The following IL19 variants were observed in gnomAD, a reference collection of about 807,000 sequenced individuals.
The protein encoded by IL19 is interleukin-19.
IL19 carries 15 observed loss-of-function variants against 19.5 expected under a neutral mutation model. The observed-to-expected ratio is 0.77, with a 90% CI of 0.52 to 1.19. The LOEUF is 1.19. Among genes scored for constraint, IL19 ranks in the 50% most tolerant of loss-of-function variants. IL19 has a pLI of 0.00. For missense variants in IL19, 199 were observed against 213.1 expected (o/e 0.93, Z 0.41); for synonymous variants, 78 against 78.3 (o/e 1.00, Z 0.02).
At chr1:206,812,410 A>C (rs74151404) in intron 2 of IL19, among the ~76,000 whole-genome samples, 11,771 of 152,248 alleles carry the variant, frequency 0.077, 841 homozygotes, top group African/African-American at 0.19. Context: ...CCATTTGGCC[A>C]TTTGGGGATC....
At chr1:206,828,217 A>G (rs1329185482) in intron 2 of IL19, among the ~76,000 whole-genome samples, 1 of 152,290 alleles carries the variant, frequency 6.6e-6, no homozygotes, top group Non-Finnish European at 1.5e-5. Context: ...CAGAATGTCC[A>G]GATGTCCCAA....
At chr1:206,832,668 T>A (rs1676648850) in intron 2 of IL19, among the ~76,000 whole-genome samples, 1 of 152,200 alleles carries the variant, frequency 6.6e-6, no homozygotes, top group Non-Finnish European at 1.5e-5. Context: ...CAATTCTATG[T>A]TCATACAGAA....
chr1:206,809,273 G>A (rs774497910), intron 2 of IL19, among the ~76,000 whole-genome samples: 4 of 152,200 alleles, frequency 2.6e-5, no homozygotes, highest in Admixed American at 2.0e-4. Context: ...GAAAGGAAGG[G>A]ATAATAATGC....
chr1:206,784,158 A>T (rs1268328526), intron 1 of IL19, among the ~76,000 whole-genome samples: 1 of 152,132 alleles, frequency 6.6e-6, no homozygotes, highest in East Asian at 1.9e-4. Flanking sequence ...CCAGCCCTGG[A>T]CCTTCTACTA....
chr1:206,836,016 C>A (rs950984167), intron 2 of IL19, among the ~76,000 whole-genome samples: 1 of 152,232 alleles, frequency 6.6e-6, no homozygotes, highest in African/African-American at 2.4e-5. Flanking sequence ...AGGTGACCGA[C>A]GGGAAGTTGC....
intron 2 of IL19, among the ~76,000 whole-genome samples, chr1:206,799,335 G>A (rs548345981): frequency 6.6e-6 from 1 of 152,212 alleles, no homozygotes; most frequent in South Asian, 2.1e-4. Flanking sequence ...CTTCACCAAG[G>A]TTGCTAGCTG....
intron 2 of IL19, chr1:206,834,382 C>A: frequency 1.0e-6 from 1 of 985,628 alleles, no homozygotes; most frequent in East Asian, 1.1e-4. Context: ...AGGAGCAGCC[C>A]GCAAGCACCA....
chr1:206,788,107 C>T (rs541900207), intron 1 of IL19, among the ~76,000 whole-genome samples: 8 of 152,310 alleles, frequency 5.3e-5, no homozygotes, highest in Non-Finnish European at 1.0e-4. Flanking sequence ...TCTTCACGAT[C>T]CCGGAGGTGG....
At chr1:206,824,275 A>G (rs1676373707) in intron 2 of IL19, among the ~76,000 whole-genome samples, 1 of 152,212 alleles carries the variant, frequency 6.6e-6, no homozygotes, top group Non-Finnish European at 1.5e-5. Flanking sequence ...TAGCCTTCCC[A>G]TCTAAAGAAA....
intron 4 of IL19, among the ~76,000 whole-genome samples, chr1:206,838,264 C>T (rs1351343761): frequency 6.6e-6 from 1 of 152,158 alleles, no homozygotes; most frequent in Non-Finnish European, 1.5e-5. Context: ...ATGAGAGATG[C>T]CTTTAAAAGA....
At chr1:206,805,902 C>T (rs1189191938) in intron 2 of IL19, among the ~76,000 whole-genome samples, 1 of 152,236 alleles carries the variant, frequency 6.6e-6, no homozygotes, top group Non-Finnish European at 1.5e-5. Flanking sequence ...ATTTTGCTGG[C>T]TCACTTAATG....
chr1:206,775,780 T>C (rs1300362515), intron 1 of IL19, among the ~76,000 whole-genome samples: 3 of 152,018 alleles, frequency 2.0e-5, no homozygotes, highest in African/African-American at 7.3e-5. Flanking sequence ...GTGAGGAGAT[T>C]TGGGTTTGGA....
intron 1 of IL19, among the ~76,000 whole-genome samples, chr1:206,783,414 G>A (rs992440372): frequency 2.6e-5 from 4 of 152,136 alleles, no homozygotes; most frequent in Admixed American, 1.3e-4. Context: ...ATTCTTTCAA[G>A]TAATTAAGGA....
chr1:206,790,431 G>A (rs182825335), intron 1 of IL19, among the ~76,000 whole-genome samples: 172 of 152,174 alleles, frequency 1.1e-3, no homozygotes, highest in African/African-American at 4.0e-3. Context: ...GCAGGGGAAG[G>A]AAAATACCCA....
rs548703992 is a variant in IL19 at position 206,827,517 on chromosome 1, C to T, written c.-2-9144C>T. On this transcript the variant is annotated intron_variant, in intron 2 of 6. Coordinates refer to ENST00000659997, the MANE Select transcript of IL19 (RefSeq NM_153758.5). ...CATCCTGGCTAACACAGTGAAACCC[C>T]GTCTCTACTAAAAATACAAAAAATT... Among the ~76,000 whole-genome samples, 10 of 152,066 alleles carry T rather than the reference C, an allele frequency of 6.6e-5. No individual in the cohort carries two copies. The East Asian group carries it at 9.7e-4, about 15-fold the overall frequency.
At chr1:206,809,796 T>C (rs1002691151) in intron 2 of IL19, among the ~76,000 whole-genome samples, 1 of 152,200 alleles carries the variant, frequency 6.6e-6, no homozygotes, top group African/African-American at 2.4e-5. Flanking sequence ...TTCCATTAAA[T>C]GACTTGCAAG....
chr1:206,808,167 C>T (rs1383979569), intron 2 of IL19, among the ~76,000 whole-genome samples: 16 of 152,164 alleles, frequency 1.1e-4, no homozygotes, highest in Non-Finnish European at 2.4e-4. Context: ...CCTGTCTCTA[C>T]TAAAAATACA....
intron 2 of IL19, among the ~76,000 whole-genome samples, chr1:206,831,381 AT>A (rs943987721): frequency 1.3e-5 from 2 of 152,150 alleles, no homozygotes; most frequent in African/African-American, 4.8e-5. Context: ...AGAAGTCCTA[AT>A]TCTAAGGCAG....
chr1:206,813,332 TGTGA>T (rs1485186543), intron 2 of IL19, among the ~76,000 whole-genome samples: 2 of 152,238 alleles, frequency 1.3e-5, no homozygotes, highest in African/African-American at 4.8e-5. Flanking sequence ...TTGTGGTTCC[TGTGA>T]GTGTTACCCC....
Sources: allele counts gnomAD v4.1 joint callset (sites outside exome capture counted in the v4.1 genomes callset), GRCh38; gene constraint gnomAD v4.1.1; transcripts MANE v1.5; gene names NCBI Gene and HGNC (gene_info 2026-07-23, HGNC 2026-07-21).